WDR70: variants seen among roughly 807,000 people sequenced by gnomAD.
WDR70 encodes the protein WD repeat domain 70.
A neutral mutation model predicts 88.6 loss-of-function variants in WDR70; 53 were observed. The observed-to-expected ratio is 0.60, with a 90% CI of 0.48 to 0.75. The LOEUF is 0.75. WDR70 is among the 30% of genes least tolerant of loss of function. The pLI is 0.00. For missense variants in WDR70, 610 were observed against 823.2 expected (o/e 0.74, Z 3.17); for synonymous variants, 280 against 270.0 (o/e 1.04, Z -0.36).
In WDR70 at chr5:37,627,620, C is replaced by T. The variant is rs545944396; in HGVS notation, c.1092+22382C>T. On this transcript the variant is annotated intron_variant, in intron 10 of 17. Transcript: ENST00000265107. ...CTGTGTGCCATAAGCTTTGGTACAT[C>T]GTGTTTCTATTTCCATTTGTTTCAA... 9.9e-5 allele frequency among the ~76,000 whole-genome samples: 15 copies of T among 152,034 alleles called. No individual in the cohort carries two copies. The South Asian group carries it at 2.9e-3, about 30-fold the overall frequency.
chr5:37,660,746 T>C (rs996799671), intron 10 of WDR70, among the ~76,000 whole-genome samples: 9 of 152,212 alleles, frequency 5.9e-5, no homozygotes, highest in African/African-American at 2.2e-4. Context: ...ATAACAACTT[T>C]TGCTTTTTAA....
intron 9 of WDR70, among the ~76,000 whole-genome samples, chr5:37,582,020 A>T (rs549050833): frequency 1.8e-4 from 28 of 152,270 alleles, no homozygotes; most frequent in Middle Eastern, 3.4e-3. Flanking sequence ...TAAAAAAAAA[A>T]ATCTTTAGTA....
intron 9 of WDR70, among the ~76,000 whole-genome samples, chr5:37,562,350 T>A (rs1029043592): frequency 1.3e-5 from 2 of 151,582 alleles, no homozygotes; most frequent in African/African-American, 4.9e-5. Flanking sequence ...AGTGAGACTG[T>A]GTGTCTCAAA....
At chr5:37,461,130 G>T (rs1414639830) in intron 7 of WDR70, among the ~76,000 whole-genome samples, 37 of 144,456 alleles carry the variant, frequency 2.6e-4, no homozygotes, top group African/African-American at 9.6e-4. Flanking sequence ...AAAAAATAAA[G>T]GGTTGTGAAA....
At chr5:37,734,129 T>C (rs1748234024) in intron 17 of WDR70, among the ~76,000 whole-genome samples, 1 of 152,098 alleles carries the variant, frequency 6.6e-6, no homozygotes, top group Admixed American at 6.6e-5. Context: ...TACCTCCTCC[T>C]TTCCAATTTT....
chr5:37,562,018 G>T (rs1278870343), intron 9 of WDR70, among the ~76,000 whole-genome samples: 3 of 152,166 alleles, frequency 2.0e-5, no homozygotes, highest in Admixed American at 2.0e-4. Flanking sequence ...CCAAATGCAT[G>T]TTAAAATTTT....
intron 9 of WDR70, among the ~76,000 whole-genome samples, chr5:37,603,172 G>A (rs1581428269): frequency 1.3e-5 from 2 of 149,672 alleles, no homozygotes; most frequent in African/African-American, 4.9e-5. Context: ...ATGAAACCAC[G>A]AAAGATCCCA....
chr5:37,398,802 A>G (rs1192819189), intron 5 of WDR70, among the ~76,000 whole-genome samples: 1 of 152,150 alleles, frequency 6.6e-6, no homozygotes, highest in Non-Finnish European at 1.5e-5. Context: ...TTGATTGTAT[A>G]TTTTTTCTTT....
chr5:37,401,612 C>T (rs1749196868), intron 5 of WDR70, among the ~76,000 whole-genome samples: 1 of 152,078 alleles, frequency 6.6e-6, no homozygotes, highest in Non-Finnish European at 1.5e-5. Context: ...CCACCTTACC[C>T]AGGCCAAATT....
At chr5:37,550,547 G>T (rs1452974794) in intron 9 of WDR70, among the ~76,000 whole-genome samples, 1 of 152,174 alleles carries the variant, frequency 6.6e-6, no homozygotes, top group African/African-American at 2.4e-5. Flanking sequence ...TGTCAACAAA[G>T]TATAGCTACT....
At chr5:37,612,968 C>T (rs1270589203) in intron 10 of WDR70, among the ~76,000 whole-genome samples, 1 of 152,114 alleles carries the variant, frequency 6.6e-6, no homozygotes, top group East Asian at 1.9e-4. Context: ...ATCATAACTG[C>T]AAATTACTTG....
intron 10 of WDR70, among the ~76,000 whole-genome samples, chr5:37,649,961 T>A: frequency 7.3e-6 from 1 of 136,886 alleles, no homozygotes; most frequent in Non-Finnish European, 1.6e-5. Flanking sequence ...ATGGTCTCGA[T>A]CTCCTGACCT....
At chr5:37,537,166 A>G (rs1476754386) in intron 9 of WDR70, among the ~76,000 whole-genome samples, 1 of 152,200 alleles carries the variant, frequency 6.6e-6, no homozygotes, top group Non-Finnish European at 1.5e-5. Flanking sequence ...ATAAATCTAG[A>G]AGAAATTTTA....
At chr5:37,723,065 A>G (rs1451207430) in intron 15 of WDR70, 131 bp downstream of exon 15, 1 of 1,034,134 alleles carries the variant, frequency 9.7e-7, no homozygotes, top group African/African-American at 1.6e-5. Flanking sequence ...ATTCATGTGG[A>G]TAGGACTACG....
At chr5:37,492,529 C>T (rs538527861) in intron 8 of WDR70, among the ~76,000 whole-genome samples, 1 of 152,288 alleles carries the variant, frequency 6.6e-6, no homozygotes, top group African/African-American at 2.4e-5. Context: ...AAATTGTCTT[C>T]AGTGGATCCA....
chr5:37,750,242 C>T (rs1748766431), intron 17 of WDR70, among the ~76,000 whole-genome samples: 2 of 152,082 alleles, frequency 1.3e-5, no homozygotes, highest in African/African-American at 4.8e-5. Context: ...ATTAAAAAGA[C>T]TAATATCTTG....
chr5:37,649,411 T>C (rs978416364), intron 10 of WDR70, among the ~76,000 whole-genome samples: 2 of 150,680 alleles, frequency 1.3e-5, no homozygotes, highest in Admixed American at 1.3e-4. Context: ...AGTAACATGT[T>C]CAACAAAAAG....
intron 8 of WDR70, among the ~76,000 whole-genome samples, chr5:37,481,100 C>T (rs1277130082): frequency 6.6e-6 from 1 of 152,194 alleles, no homozygotes; most frequent in Non-Finnish European, 1.5e-5. Flanking sequence ...CTTGGGCAGC[C>T]CCGCCCCTGT....
rs191420170 is a variant in WDR70 at position 37,390,612 on chromosome 5, T to C, written c.176-1388T>C. 5.9e-5 allele frequency among the ~76,000 whole-genome samples: 9 copies of C among 152,132 alleles called. No homozygotes were observed. In the East Asian group the frequency reaches 1.7e-3, roughly 29 times the overall value. ...GTCTCGGCCTCCCAAAGTGCTGGGA[T>C]TACAGGCGTGAGCCACCACACCCGG... On this transcript the variant is annotated intron_variant, in intron 3 of 17. Transcript: ENST00000265107.
Sources: gnomAD v4.1 joint callset for allele counts (sites outside exome capture counted in the v4.1 genomes callset) on GRCh38, gnomAD v4.1.1 for gene constraint, MANE v1.5 for transcripts, NCBI Gene and HGNC (gene_info 2026-07-23, HGNC 2026-07-21) for gene names.